The following NELL1 variants were observed in gnomAD, a reference collection of about 807,000 sequenced individuals.
The protein encoded by NELL1 is neural EGFL like 1.
A neutral mutation model predicts 107.4 loss-of-function variants in NELL1; 76 were observed. That is an observed-to-expected ratio of 0.71 (90% CI 0.59 to 0.86). The LOEUF (loss-of-function observed/expected upper bound fraction) is 0.86, where lower values mean the gene tolerates loss of function less well. Ranked by LOEUF, NELL1 falls within the 40% of genes least tolerant of loss-of-function variation. The probability of loss-of-function intolerance (pLI) is 0.00; values close to 1 mark genes in which losing one functional copy is unlikely to be tolerated. For missense variants in NELL1, 1,024 were observed against 1,005.5 expected (o/e 1.02, Z -0.25); for synonymous variants, 353 against 341.2 (o/e 1.03, Z -0.38).
intron 14 of NELL1, among the ~76,000 whole-genome samples, chr11:21,292,136 GTC>G (rs2133961247): frequency 6.6e-6 from 1 of 152,232 alleles, no homozygotes; most frequent in Non-Finnish European, 1.5e-5. Context: ...AAGTCAAATT[GTC>G]TCTGTTTGCA....
At chr11:21,357,723 G>T (rs1850969747) in intron 14 of NELL1, among the ~76,000 whole-genome samples, 1 of 152,148 alleles carries the variant, frequency 6.6e-6, no homozygotes, top group Non-Finnish European at 1.5e-5. Flanking sequence ...CTTTGCCTAA[G>T]CCAACAACTA....
rs568312147 is a variant in NELL1, at chr11:21,492,470, A to T, written c.1646-41904A>T. On this transcript the variant is annotated intron_variant, in intron 15 of 19. Coordinates refer to ENST00000357134, the MANE Select transcript of NELL1 (RefSeq NM_006157.5). The stretch of plus-strand genomic sequence containing the variant: ...ACGTATGTTTATTGCGGCACTATTC[A>T]CAATAGCAAAGACTTGGAACCAACC... Among the ~76,000 whole-genome samples, 454 of 149,858 alleles carry T rather than the reference A, an allele frequency of 3.0e-3. 1 individual carries two copies. Among genetic ancestry groups the T allele is most frequent in the African/African-American group, 0.011 (430 of 40,734 alleles).
At chr11:21,173,622 A>C (rs1262690553) in intron 13 of NELL1, among the ~76,000 whole-genome samples, 1 of 151,858 alleles carries the variant, frequency 6.6e-6, no homozygotes, top group Non-Finnish European at 1.5e-5. Context: ...ATAGGACACA[A>C]TCTCTGTCTT....
chr11:20,715,139 G>T (rs985985122), intron 2 of NELL1, among the ~76,000 whole-genome samples: 4 of 152,004 alleles, frequency 2.6e-5, no homozygotes, highest in Non-Finnish European at 5.9e-5. Flanking sequence ...CAGCTACTCG[G>T]GACCCTGAGG....
chr11:21,403,558 C>T (rs1852149516), intron 15 of NELL1, among the ~76,000 whole-genome samples: 1 of 150,776 alleles, frequency 6.6e-6, no homozygotes, highest in Admixed American at 6.6e-5. Flanking sequence ...GGCACCCATC[C>T]TTACATCCTG....
At chr11:21,285,945 A>G (rs1207453065) in intron 14 of NELL1, among the ~76,000 whole-genome samples, 1 of 152,230 alleles carries the variant, frequency 6.6e-6, no homozygotes, top group African/African-American at 2.4e-5. Flanking sequence ...AATTAAAAAC[A>G]CAATGACTGT....
At chr11:21,075,897 A>T (rs1854123989) in intron 12 of NELL1, among the ~76,000 whole-genome samples, 1 of 152,216 alleles carries the variant, frequency 6.6e-6, no homozygotes, top group South Asian at 2.1e-4. Flanking sequence ...CATGGTCAGG[A>T]GATAAACCTG....
intron 14 of NELL1, among the ~76,000 whole-genome samples, chr11:21,292,711 G>A (rs551377742): frequency 6.6e-6 from 1 of 152,186 alleles, no homozygotes; most frequent in South Asian, 2.1e-4. Context: ...AAAACATCAT[G>A]GTACTGATAC....
chr11:20,801,267 C>T (rs1238260681), intron 3 of NELL1, among the ~76,000 whole-genome samples: 1 of 152,202 alleles, frequency 6.6e-6, no homozygotes, highest in Admixed American at 6.5e-5. Flanking sequence ...TTCTAGCCTA[C>T]TTCTGTCATG....
intron 13 of NELL1, among the ~76,000 whole-genome samples, chr11:21,143,189 CT>C (rs1309290873): frequency 1.3e-5 from 2 of 152,194 alleles, no homozygotes; most frequent in African/African-American, 4.8e-5. Flanking sequence ...GCAAAGACTA[CT>C]TTGCTGTAAC....
chr11:21,489,511 T>A (rs1202078041), intron 15 of NELL1, among the ~76,000 whole-genome samples: 1 of 147,512 alleles, frequency 6.8e-6, no homozygotes, highest in African/African-American at 2.5e-5. Flanking sequence ...TATAGGCCAA[T>A]ATCCCTGATG....
intron 13 of NELL1, among the ~76,000 whole-genome samples, chr11:21,161,843 T>G (rs1400631230): frequency 1.3e-5 from 2 of 151,774 alleles, no homozygotes; most frequent in African/African-American, 2.4e-5. Context: ...AAATTTGGAT[T>G]AACCCCATTT....
chr11:20,924,767 A>C (rs1409562524), intron 7 of NELL1, among the ~76,000 whole-genome samples: 5 of 152,212 alleles, frequency 3.3e-5, no homozygotes, highest in Non-Finnish European at 7.3e-5. Flanking sequence ...TCTGTTGTTC[A>C]ATCCAAGGTC....
At chr11:21,350,224 G>T (rs956884460) in intron 14 of NELL1, among the ~76,000 whole-genome samples, 1 of 151,970 alleles carries the variant, frequency 6.6e-6, no homozygotes, top group Admixed American at 6.6e-5. Context: ...TAATTCTTGG[G>T]TATAACTATT....
chr11:21,167,702 T>TA (rs1856516582), intron 13 of NELL1, among the ~76,000 whole-genome samples: 1 of 151,830 alleles, frequency 6.6e-6, no homozygotes, highest in Non-Finnish European at 1.5e-5. Flanking sequence ...TCCAGTTATG[T>TA]TGGTCTTCTT....
intron 17 of NELL1, among the ~76,000 whole-genome samples, chr11:21,564,611 C>T (rs1856927449): frequency 6.6e-6 from 1 of 151,824 alleles, no homozygotes; most frequent in Non-Finnish European, 1.5e-5. Context: ...TCTATGATTT[C>T]TTGCAGTTAA....
At chr11:21,264,154 T>C (rs1381523390) in intron 14 of NELL1, among the ~76,000 whole-genome samples, 1 of 150,704 alleles carries the variant, frequency 6.6e-6, no homozygotes, top group African/African-American at 2.4e-5. Flanking sequence ...GGAGGGGGAA[T>C]GTAGCACCTA....
chr11:21,563,586 G>C (rs57389131), intron 17 of NELL1, among the ~76,000 whole-genome samples: 20,706 of 151,982 alleles, frequency 0.14, 1,524 homozygotes, highest in Middle Eastern at 0.18. Context: ...TACCCTATTA[G>C]GTATTATTAG....
chr11:20,807,772 C>T lies in NELL1; in HGVS notation c.335+23942C>T, dbSNP rs182034677. Among the ~76,000 whole-genome samples the T allele has an allele frequency of 1.7e-3, 266 of 152,196 alleles. 1 individual carries two copies. Among genetic ancestry groups the T allele is most frequent in the South Asian group, 4.0e-3 (19 of 4,800 alleles). On this transcript the variant is annotated intron_variant, in intron 3 of 19. Coordinates refer to ENST00000357134, the MANE Select transcript of NELL1 (RefSeq NM_006157.5). ...GCACCCATAATGTAAGACAAAGAATCGTCCCAGTTTTCCTTCCCCTTTTCC... is the reference window on the plus strand; with the variant it reads ...GCACCCATAATGTAAGACAAAGAATTGTCCCAGTTTTCCTTCCCCTTTTCC...
Sources: gnomAD v4.1 joint callset for allele counts (sites outside exome capture counted in the v4.1 genomes callset) on GRCh38, gnomAD v4.1.1 for gene constraint, MANE v1.5 for transcripts, NCBI Gene and HGNC (gene_info 2026-07-23, HGNC 2026-07-21) for gene names.